ADAM23: variants seen among roughly 807,000 people sequenced by gnomAD.
ADAM23 encodes the protein ADAM metallopeptidase domain 23.
Under a neutral mutation model 120.1 loss-of-function variants are expected in ADAM23, and 33 were observed. The observed-to-expected ratio is 0.27, with a 90% CI of 0.21 to 0.37. The LOEUF is 0.37. Ranked by LOEUF, ADAM23 falls within the 10% of genes least tolerant of loss-of-function variation. The pLI, the probability that ADAM23 is intolerant of heterozygous loss-of-function variation, is 1.00. For missense variants in ADAM23, 862 were observed against 1,058.2 expected (o/e 0.81, Z 2.57); for synonymous variants, 367 against 375.2 (o/e 0.98, Z 0.25).
intron 18 of ADAM23, among the ~76,000 whole-genome samples, chr2:206,584,218 G>A (rs909941698): frequency 6.6e-6 from 1 of 152,188 alleles, no homozygotes; most frequent in Admixed American, 6.5e-5. Flanking sequence ...AACTGTCTGC[G>A]AGTCTCTCAG....
At chr2:206,485,762 G>A (rs1695999199) in intron 3 of ADAM23, among the ~76,000 whole-genome samples, 1 of 152,202 alleles carries the variant, frequency 6.6e-6, no homozygotes, top group South Asian at 2.1e-4. Context: ...TCCAGAGGAG[G>A]AGGCAAACAG....
chr2:206,540,913 AATT>A (rs1331763812), intron 4 of ADAM23, among the ~76,000 whole-genome samples: 1 of 147,636 alleles, frequency 6.8e-6, no homozygotes, highest in Non-Finnish European at 1.5e-5. Flanking sequence ...AAATAATAAA[AATT>A]ATTATTTTTA....
At chr2:206,592,540 A>G (rs560253573) in intron 21 of ADAM23, 77 bp from the exon 22 acceptor site, 48 of 1,535,322 alleles carry the variant, frequency 3.1e-5, no homozygotes, top group African/African-American at 1.8e-4. Context: ...ATTTGAATCA[A>G]TGTGGACCGA....
chr2:206,576,703 C>T (rs1347153994), intron 18 of ADAM23, among the ~76,000 whole-genome samples: 2 of 152,008 alleles, frequency 1.3e-5, no homozygotes, highest in Non-Finnish European at 2.9e-5. Context: ...TCTCTTTTAC[C>T]TCATAATGTG....
At chr2:206,520,509 C>T (rs1424684558) in intron 3 of ADAM23, among the ~76,000 whole-genome samples, 1 of 152,166 alleles carries the variant, frequency 6.6e-6, no homozygotes, top group Non-Finnish European at 1.5e-5. Context: ...CTTTGTTAAT[C>T]ATTTCTTTAA....
At chr2:206,459,937 A>G (rs939992961) in intron 2 of ADAM23, among the ~76,000 whole-genome samples, 2 of 152,156 alleles carry the variant, frequency 1.3e-5, no homozygotes, top group African/African-American at 4.8e-5. Flanking sequence ...TATCTCTCAC[A>G]TGCACCATTA....
chr2:206,462,624 G>A (rs1695448036), intron 2 of ADAM23, among the ~76,000 whole-genome samples: 1 of 152,158 alleles, frequency 6.6e-6, no homozygotes, highest in Admixed American at 6.5e-5. Flanking sequence ...GGGGAGAAAA[G>A]TAAACTTGGA....
chr2:206,472,790 C>T (rs757715238), intron 2 of ADAM23, among the ~76,000 whole-genome samples: 4 of 152,208 alleles, frequency 2.6e-5, no homozygotes, highest in South Asian at 2.1e-4. Context: ...ACCATCAGAT[C>T]GCATAATCGA....
rs769886779 is a variant in ADAM23 at position 206,567,226 on chromosome 2, G to A, written c.1398G>A (p.Val466=). 15 of 1,609,848 alleles carry A rather than the reference G, an allele frequency of 9.3e-6. No individual in the cohort carries two copies. In the African/African-American group the frequency reaches 1.9e-4, roughly 20 times the overall value. ...WGGCIMEETG[V]SHSRKFSKCS... Reference sequence around the variant, plus strand: ...AGTTGATTCTTTGTTTCCTCAGGGTGTCCCATTCTCGAAAATTTTCAAAGT... The same window carrying A: ...AGTTGATTCTTTGTTTCCTCAGGGTATCCCATTCTCGAAAATTTTCAAAGT... The change falls in exon 15 of 26, where the codon GTG becomes GTA. Residue 466 remains valine, a synonymous_variant. Coordinates refer to ENST00000264377, the MANE Select transcript of ADAM23 (RefSeq NM_003812.4).
At position 206,619,517 on chromosome 2, in the gene ADAM23, CCT is replaced by C. The variant is rs777894692; in HGVS notation, c.*1891_*1892del. 3.7e-4 allele frequency: 55 copies of C among 150,626 alleles called. No homozygotes were observed. The highest frequency in any genetic ancestry group is 3.4e-3 in the Middle Eastern group (1 of 294). The allele number at this position is 150,626 out of a possible 1,614,324, so 9.3% of individuals were successfully genotyped here. ...GCCCCTACTTCTCTAATGCCCCCCC[CCT>C]TTTTTTTTTAGGAAAAGAACATGCA... On this transcript the variant is annotated 3_prime_UTR_variant, in exon 26 of 26. Transcript: ENST00000264377.
intron 3 of ADAM23, among the ~76,000 whole-genome samples, chr2:206,511,668 T>C (rs1696626695): frequency 6.6e-6 from 1 of 152,204 alleles, no homozygotes; most frequent in Non-Finnish European, 1.5e-5. Flanking sequence ...CCCTAGAAGG[T>C]CCTCTGACCT....
intron 25 of ADAM23, 147 bp downstream of exon 25, chr2:206,610,147 G>GA: frequency 1.5e-6 from 1 of 664,670 alleles, no homozygotes; most frequent in Admixed American, 4.0e-5. Context: ...AAATGGGTTA[G>GA]AAATGAAGAA....
At chr2:206,566,899 T>C (rs1697895811) in intron 14 of ADAM23, among the ~76,000 whole-genome samples, 1 of 151,952 alleles carries the variant, frequency 6.6e-6, no homozygotes, top group African/African-American at 2.4e-5. Flanking sequence ...AAATAAAAAT[T>C]AACAAACTTT....
At chr2:206,543,060 C>G (rs1311002813) in intron 5 of ADAM23, among the ~76,000 whole-genome samples, 193 bp from the exon 6 acceptor site, 1 of 152,140 alleles carries the variant, frequency 6.6e-6, no homozygotes, top group Non-Finnish European at 1.5e-5. Flanking sequence ...TTATAGCCTC[C>G]ATGCTGCCTA....
chr2:206,602,126 A>G (rs892313376), intron 24 of ADAM23, among the ~76,000 whole-genome samples: 10 of 152,178 alleles, frequency 6.6e-5, no homozygotes, highest in African/African-American at 2.4e-4. Context: ...CTTATCATAT[A>G]TGATTATGCT....
rs372331788 is a variant in ADAM23, at chr2:206,598,060, C to T, written c.2359+1898C>T. Among the ~76,000 whole-genome samples the T allele has an allele frequency of 6.4e-4, 97 of 152,266 alleles. 1 individual carries two copies. The South Asian group carries it at 0.018, about 28-fold the overall frequency. ...TTCTATTTCTAAAAGGGAACGTATT[C>T]CACTTTTACACTTAGTCTTTTGTTA... is the stretch of plus-strand genomic sequence containing the variant. On this transcript the variant is annotated intron_variant, in intron 24 of 25. Transcript: ENST00000264377.
chr2:206,617,129 A>G (rs1216518752), intron 25 of ADAM23, among the ~76,000 whole-genome samples: 1 of 152,182 alleles, frequency 6.6e-6, no homozygotes, highest in African/African-American at 2.4e-5. Context: ...ACCTTGGTAA[A>G]GGCCAGTTCA....
chr2:206,503,647 T>C (rs1696435549), intron 3 of ADAM23, among the ~76,000 whole-genome samples: 1 of 152,168 alleles, frequency 6.6e-6, no homozygotes, highest in South Asian at 2.1e-4. Context: ...CTGGCATGTA[T>C]AATAGGCATT....
In ADAM23 at chr2:206,595,829, C is replaced by A. The variant is rs540583339; in HGVS notation, c.2248-222C>A. Among the ~76,000 whole-genome samples the A allele has an allele frequency of 1.1e-4, 16 of 152,042 alleles. No homozygotes were observed. In the East Asian group the frequency reaches 3.1e-3, roughly 29 times the overall value. On this transcript the variant is annotated intron_variant, in intron 23 of 25. Transcript: ENST00000264377. Reference sequence around the variant, plus strand: ...AATAAGATAAATAATTGAAGAATTTCTTCCTTTTACTCTTTTTCTTTAATT... The same window carrying A: ...AATAAGATAAATAATTGAAGAATTTATTCCTTTTACTCTTTTTCTTTAATT...
Sources: gnomAD v4.1 joint callset for allele counts (sites outside exome capture counted in the v4.1 genomes callset) on GRCh38, gnomAD v4.1.1 for gene constraint, MANE v1.5 for transcripts, NCBI Gene and HGNC (gene_info 2026-07-23, HGNC 2026-07-21) for gene names.